TENM2: variants seen among roughly 807,000 people sequenced by gnomAD.
TENM2 encodes the protein teneurin-2.
Under a neutral mutation model 245.2 loss-of-function variants are expected in TENM2, and 52 were observed. The observed-to-expected ratio is 0.21, with a 90% CI of 0.17 to 0.27. The LOEUF is 0.27. Ranked by LOEUF, TENM2 falls within the 10% of genes least tolerant of loss-of-function variation. TENM2 has a pLI of 1.00. For missense variants in TENM2, 3,046 were observed against 3,666.8 expected (o/e 0.83, Z 4.37); for synonymous variants, 1,363 against 1,438.9 (o/e 0.95, Z 1.19).
the TENM2 span, among the ~76,000 whole-genome samples, chr5:166,980,120 A>G: frequency 2.6e-5 from 4 of 152,310 alleles, no homozygotes; most frequent in Admixed American, 2.6e-4. Flanking sequence ...AATAATAGAC[A>G]CCACTACCCA....
intron 7 of TENM2, among the ~76,000 whole-genome samples, chr5:168,080,900 A>G (rs1254925342): frequency 6.6e-6 from 1 of 152,204 alleles, no homozygotes; most frequent in African/African-American, 2.4e-5. Flanking sequence ...AGAAGAATGT[A>G]TATTTTGTTG....
chr5:167,384,704 G>GCA (rs898706150), intron 2 of TENM2, among the ~76,000 whole-genome samples: 1 of 89,824 alleles, frequency 1.1e-5, no homozygotes, highest in African/African-American at 6.0e-5. Flanking sequence ...ACACGCGTGC[G>GCA]CGCACACACG....
intron 1 of TENM2, among the ~76,000 whole-genome samples, chr5:167,307,321 GTCACTC>G: frequency 6.6e-6 from 1 of 152,166 alleles, no homozygotes; most frequent in Non-Finnish European, 1.5e-5. Context: ...TGTGGCCAGT[GTCACTC>G]CCATCTCTGA....
chr5:167,553,049 TG>T (rs1369681715), intron 2 of TENM2, among the ~76,000 whole-genome samples: 2 of 152,126 alleles, frequency 1.3e-5, no homozygotes, highest in African/African-American at 4.8e-5. Flanking sequence ...AATTACAAGC[TG>T]GGGAAAATGC....
At chr5:167,241,536 C>T in the TENM2 span, among the ~76,000 whole-genome samples, 1 of 152,122 alleles carries the variant, frequency 6.6e-6, no homozygotes, top group African/African-American at 2.4e-5. Flanking sequence ...CACTGAGAAT[C>T]ACGTACGATA....
upstream of TENM2, among the ~76,000 whole-genome samples, chr5:167,282,358 T>A (rs957311688): frequency 1.3e-5 from 2 of 152,218 alleles, no homozygotes; most frequent in Non-Finnish European, 2.9e-5. Flanking sequence ...TAGGATTTAT[T>A]ATTAGAACTG....
intron 7 of TENM2, among the ~76,000 whole-genome samples, chr5:168,082,671 A>C (rs1792107048): frequency 6.6e-6 from 1 of 152,170 alleles, no homozygotes; most frequent in Non-Finnish European, 1.5e-5. Flanking sequence ...TCCCTCTAAC[A>C]GTCAGGACCC....
intron 2 of TENM2, among the ~76,000 whole-genome samples, chr5:167,437,880 C>T (rs552026371): frequency 5.9e-5 from 9 of 152,226 alleles, no homozygotes; most frequent in East Asian, 1.9e-4. Context: ...AACTGGGAGT[C>T]GAATTAAACC....
the TENM2 span, among the ~76,000 whole-genome samples, chr5:167,121,130 G>A: frequency 3.3e-5 from 5 of 152,064 alleles, no homozygotes; most frequent in African/African-American, 9.7e-5. Context: ...CTTTGTGTGT[G>A]TGTTTTTGTT....
At chr5:167,042,687 C>T in the TENM2 span, among the ~76,000 whole-genome samples, 1 of 152,106 alleles carries the variant, frequency 6.6e-6, no homozygotes, top group Non-Finnish European at 1.5e-5. Context: ...TTTTCTAGAG[C>T]TAAGTATGAA....
At chr5:167,487,107 T>C (rs57271668) in intron 2 of TENM2, among the ~76,000 whole-genome samples, 5,138 of 152,242 alleles carry the variant, frequency 0.034, 302 homozygotes, top group African/African-American at 0.12. Flanking sequence ...AATGGTGCGG[T>C]ATAGTGGTCT....
At chr5:167,853,650 C>A (rs569127360) in intron 2 of TENM2, among the ~76,000 whole-genome samples, 5 of 152,174 alleles carry the variant, frequency 3.3e-5, no homozygotes, top group Non-Finnish European at 7.3e-5. Context: ...GAAGTAATTT[C>A]TCCACCCTTA....
chr5:167,754,645 A>T (rs1489846248), intron 2 of TENM2, among the ~76,000 whole-genome samples: 1 of 151,936 alleles, frequency 6.6e-6, no homozygotes. Context: ...ATACACAGTG[A>T]TGTCAGAAAA....
chr5:167,693,165 A>G (rs552450082), intron 2 of TENM2, among the ~76,000 whole-genome samples: 8 of 152,282 alleles, frequency 5.3e-5, no homozygotes, highest in African/African-American at 1.9e-4. Context: ...ACGATGCTCA[A>G]TAAATGCAAA....
chr5:167,723,231 C>T (rs1759756544), intron 2 of TENM2, among the ~76,000 whole-genome samples: 1 of 152,162 alleles, frequency 6.6e-6, no homozygotes. Flanking sequence ...AACATCCTTG[C>T]ATGGTGACTT....
intron 2 of TENM2, among the ~76,000 whole-genome samples, chr5:167,398,859 T>C (rs1256892984): frequency 6.6e-6 from 1 of 152,184 alleles, no homozygotes; most frequent in East Asian, 1.9e-4. Context: ...GTACCGATTA[T>C]TTTTGGTGTT....
intron 5 of TENM2, among the ~76,000 whole-genome samples, chr5:168,042,253 C>CCT (rs1359587940): frequency 6.6e-6 from 1 of 152,114 alleles, no homozygotes; most frequent in African/African-American, 2.4e-5. Flanking sequence ...CTTCCATTTT[C>CCT]AAAGGGAAAG....
Position 167,360,115 on chromosome 5 carries a change from G to A in TENM2, c.227-15083G>A, listed in dbSNP as rs182416001. On this transcript the variant is annotated intron_variant, in intron 1 of 28. Coordinates refer to ENST00000518659, the Ensembl canonical transcript of TENM2. Reference sequence around the variant, plus strand: ...TGAAGAAATCTGTACAACAAACCCCGGTGATACAAGTTTACTCAAACAAGA... The same window carrying A: ...TGAAGAAATCTGTACAACAAACCCCAGTGATACAAGTTTACTCAAACAAGA... Among the ~76,000 whole-genome samples, 12 of 152,134 alleles carry A rather than the reference G, an allele frequency of 7.9e-5. No homozygotes were observed. In the East Asian group the frequency reaches 1.4e-3, roughly 17 times the overall value.
chr5:167,396,772 A>G (rs2127376857), intron 2 of TENM2, among the ~76,000 whole-genome samples: 1 of 152,298 alleles, frequency 6.6e-6, no homozygotes, highest in Non-Finnish European at 1.5e-5. Flanking sequence ...GAAATGGTTA[A>G]GACTTTTTTC....
Sources: gnomAD v4.1 joint callset for allele counts (sites outside exome capture counted in the v4.1 genomes callset) on GRCh38, gnomAD v4.1.1 for gene constraint, MANE v1.5 for transcripts, NCBI Gene and HGNC (gene_info 2026-07-23, HGNC 2026-07-21) for gene names.